PON1: variants seen among roughly 807,000 people sequenced by gnomAD.
The protein encoded by PON1 is serum paraoxonase/arylesterase 1.
In PON1, 37 loss-of-function variants were observed where a neutral mutation model predicts 39.2. The ratio of observed to expected loss-of-function variants is 0.94; its 90% CI spans 0.73 to 1.24. The LOEUF (loss-of-function observed/expected upper bound fraction) is 1.24. Among genes scored for constraint, PON1 ranks in the 50% most tolerant of loss-of-function variants. PON1 has a pLI of 0.00. For synonymous variants in PON1, 148 were observed against 152.2 expected (o/e 0.97, Z 0.21); for missense variants, 397 against 413.5 (o/e 0.96, Z 0.35).
chr7:95,313,638 G>A (rs1368780334), intron 4 of PON1, among the ~76,000 whole-genome samples: 1 of 151,802 alleles, frequency 6.6e-6, no homozygotes, highest in African/African-American at 2.4e-5. Context: ...GTGTGTGTGT[G>A]TGTGTGTGTG....
rs1384067850 is a variant in PON1, at chr7:95,307,937, TA to T, written c.698+73del. 31 of 1,388,172 alleles carry T rather than the reference TA, an allele frequency of 2.2e-5. No homozygotes were observed. The Admixed American group carries it at 5.1e-4, about 23-fold the overall frequency. The allele number at this position is 1,388,172 out of a possible 1,614,324, so 86.0% of individuals were successfully genotyped here. ...ACATGTTAAAATGTATCATATTACT[TA>T]AAAAAAGAATATATTCCAAGATATC... On this transcript the variant is annotated intron_variant, in intron 6 of 8. Coordinates refer to ENST00000222381, the MANE Select transcript of PON1 (RefSeq NM_000446.7).
intron 8 of PON1, 91 bp downstream of exon 8, chr7:95,302,114 A>AAAAAAAAAAAAAAAAAAAAAAAAAAAAAG (rs1807444325): frequency 1.3e-6 from 1 of 761,716 alleles, no homozygotes; most frequent in Non-Finnish European, 1.8e-6. Context: ...AAAAAAAAAA[A>AAAAAAAAAAAAAAAAAAAAAAAAAAAAAG]AAAAAAACCA....
intron 4 of PON1, among the ~76,000 whole-genome samples, chr7:95,312,853 A>G (rs1241930158): frequency 6.6e-6 from 1 of 152,186 alleles, no homozygotes; most frequent in East Asian, 1.9e-4. Context: ...AACTTCCTGG[A>G]CATATTCACT....
Position 95,298,402 on chromosome 7 carries a change from G to T in PON1, c.*542C>A. 6.1e-6 allele frequency: 1 copy of T among 164,582 alleles called. No homozygotes were observed. The highest frequency in any genetic ancestry group is 1.3e-5 in the Non-Finnish European group (1 of 74,228). The allele number at this position is 164,582 out of a possible 1,614,324, so 10.2% of individuals were successfully genotyped here. On this transcript the variant is annotated 3_prime_UTR_variant, in exon 9 of 9. Coordinates refer to ENST00000222381, the MANE Select transcript of PON1 (RefSeq NM_000446.7). ...ATTTACTGAGAAAAAGTCATATATC[G>T]AAGGGAAAATGGGAGTAAGTAAGTC... is the stretch of plus-strand genomic sequence containing the variant.
rs187631313 is a variant in PON1 at position 95,324,281 on chromosome 7, G to A, written c.74+121C>T. 7.1e-4 allele frequency: 608 copies of A among 858,626 alleles called. 3 individuals are homozygous for A. In the East Asian group the frequency reaches 0.014, roughly 20 times the overall value. 53.2% of individuals were successfully genotyped at this position (858,626 alleles called of 1,614,324 possible). Reference sequence around the variant, plus strand: ...CATTTATGAAACCCCCGCAGAGTGTGCATCTAGCACCTGCTTGTAAATGTT... The same window carrying A: ...CATTTATGAAACCCCCGCAGAGTGTACATCTAGCACCTGCTTGTAAATGTT... On this transcript the variant is annotated intron_variant, in intron 1 of 8. Transcript: ENST00000222381.
At chr7:95,319,131 C>CTTTCT (rs1807841040) in intron 1 of PON1, among the ~76,000 whole-genome samples, 1 of 138,358 alleles carries the variant, frequency 7.2e-6, no homozygotes, top group South Asian at 2.3e-4. Flanking sequence ...AAACAATAAA[C>CTTTCT]TTTTTTTTTT....
At chr7:95,322,011 A>C (rs1399852976) in intron 1 of PON1, among the ~76,000 whole-genome samples, 1 of 152,018 alleles carries the variant, frequency 6.6e-6, no homozygotes, top group African/African-American at 2.4e-5. Flanking sequence ...CAGAAACACA[A>C]CGTTTGCAAA....
rs1313166737 is a variant in PON1, at chr7:95,308,030, T to G, written c.679A>C (p.Asn227His). ...AEGFDFANGI[N>H]ISPDGKYVYI... ...ACATACTTGCCATCGGGTGAAATGT[T>G]GATTCCATTAGCAAAATCAAATCCT... The change falls in exon 6 of 9, where the codon AAC (asparagine) becomes CAC (histidine). Residue 227 changes from asparagine (N) to histidine (H), a missense_variant. By Grantham distance (68) the Asn-to-His change is moderately conservative. Transcript: ENST00000222381. 1.2e-6 allele frequency: 2 copies of G among 1,614,106 alleles called. No individual in the cohort carries two copies. The highest frequency in any genetic ancestry group is 4.5e-5 in the East Asian group (2 of 44,874).
intron 1 of PON1, among the ~76,000 whole-genome samples, chr7:95,322,271 T>A (rs373900145): frequency 4.1e-4 from 60 of 146,584 alleles, no homozygotes; most frequent in African/African-American, 6.7e-4. Flanking sequence ...TGCCTGATTT[T>A]TATATATATA....
chr7:95,300,003 A>C (rs570566412), intron 8 of PON1, among the ~76,000 whole-genome samples: 27 of 151,886 alleles, frequency 1.8e-4, no homozygotes, highest in African/African-American at 6.6e-4. Flanking sequence ...TGTGGCCCTC[A>C]AAAAACCATA....
intron 4 of PON1, among the ~76,000 whole-genome samples, chr7:95,311,823 A>AC (rs1807662020): frequency 6.6e-6 from 1 of 152,250 alleles, no homozygotes; most frequent in Non-Finnish European, 1.5e-5. Flanking sequence ...AATTCTCAAG[A>AC]ATGAGTATCA....
At position 95,316,808 on chromosome 7, in the gene PON1, G is replaced by C; in HGVS notation, c.146-19C>G. The C allele has an allele frequency of 1.9e-6, 3 of 1,598,386 alleles. No homozygotes were observed. Among genetic ancestry groups the C allele is most frequent in the Non-Finnish European group, 2.6e-6 (3 of 1,165,590 alleles). On this transcript the variant is annotated intron_variant, in intron 2 of 8. Coordinates refer to ENST00000222381, the MANE Select transcript of PON1 (RefSeq NM_000446.7). ...CCAGTTTCTGCCAGAAAAGAGAACA[G>C]AAAGTACAGGTTGTTTCATATTATT...
chr7:95,324,457 G>C lies in PON1; in HGVS notation c.19C>G (p.Leu7Val). ...GCCAGTCCCATCCCCAAGAGGGTGA[G>C]CGCAATCAGCTTCGCCATGGTCGGG... is the stretch of plus-strand genomic sequence containing the variant. MAKLIA[L>V]TLLGMGLALF... Residue 7 changes from leucine (L) to valine (V), a missense_variant, in exon 1 of 9, where the codon CTC (leucine) becomes GTC (valine). Leu to Val is a conservative substitution (Grantham distance 32). Transcript: ENST00000222381. 6.2e-7 allele frequency: 1 copy of C among 1,614,184 alleles called. No homozygotes were observed. Among genetic ancestry groups the C allele is most frequent in the Non-Finnish European group, 8.5e-7 (1 of 1,180,030 alleles).
At chr7:95,303,872 A>G (rs559783568) in intron 7 of PON1, among the ~76,000 whole-genome samples, 1 of 152,338 alleles carries the variant, frequency 6.6e-6, no homozygotes, top group African/African-American at 2.4e-5. Flanking sequence ...CTCTGTTAAC[A>G]AATATTCCAG....
At chr7:95,299,371 G>T (rs1385750072) in intron 8 of PON1, among the ~76,000 whole-genome samples, 1 of 152,162 alleles carries the variant, frequency 6.6e-6, no homozygotes, top group Non-Finnish European at 1.5e-5. Context: ...CTGGATGTGG[G>T]ACATTAGGGA....
At position 95,299,091 on chromosome 7, in the gene PON1, G is replaced by C; in HGVS notation, c.921C>G (p.Ile307Met). 6.2e-7 allele frequency: 1 copy of C among 1,613,984 alleles called. No homozygotes were observed. The highest frequency in any genetic ancestry group is 8.5e-7 in the Non-Finnish European group (1 of 1,179,892). The change falls in exon 9 of 9, where the codon ATC becomes ATG. Residue 307 changes from isoleucine to methionine, a missense_variant. Ile to Met is a conservative substitution (Grantham distance 10). Transcript: ENST00000222381. Reference sequence around the variant, plus strand: ...TAGGTTCTTCTGTTAGAATGTTCTGGATTCGAAGCACCTGTGGAAGAAATA... The same window carrying C: ...TAGGTTCTTCTGTTAGAATGTTCTGCATTCGAAGCACCTGTGGAAGAAATA... ...ENPPASEVLR[I>M]QNILTEEPKV...
intron 5 of PON1, among the ~76,000 whole-genome samples, chr7:95,309,333 C>T (rs1244869899): frequency 2.0e-5 from 3 of 151,118 alleles, no homozygotes; most frequent in South Asian, 2.1e-4. Context: ...AAAAAGGTCT[C>T]GGAATTTAGG....
chr7:95,310,628 G>A (rs1807632577), intron 5 of PON1, among the ~76,000 whole-genome samples: 1 of 152,170 alleles, frequency 6.6e-6, no homozygotes, highest in Non-Finnish European at 1.5e-5. Context: ...AGAAGAGGAA[G>A]GGGTCCTGGT....
intron 8 of PON1, among the ~76,000 whole-genome samples, chr7:95,301,517 C>T (rs977996148): frequency 6.6e-6 from 1 of 152,116 alleles, no homozygotes; most frequent in African/African-American, 2.4e-5. Flanking sequence ...TCCTGTCAGG[C>T]AACCCTCTCC....
Sources: allele counts gnomAD v4.1 joint callset (sites outside exome capture counted in the v4.1 genomes callset), GRCh38; gene constraint gnomAD v4.1.1; transcripts MANE v1.5; gene names NCBI Gene and HGNC (gene_info 2026-07-23, HGNC 2026-07-21).